Variants in ABR observed in about 807,000 individuals in gnomAD.
ABR encodes the protein active breakpoint cluster region-related protein.
ABR carries 35 observed loss-of-function variants against 107.2 expected under a neutral mutation model. The observed-to-expected ratio is 0.33, with a 90% CI of 0.25 to 0.43. The LOEUF (loss-of-function observed/expected upper bound fraction) is 0.43, where lower values mean the gene tolerates loss of function less well. ABR is among the 20% of genes least tolerant of loss of function. ABR has a pLI of 1.00. For missense variants in ABR, 815 were observed against 1,115.2 expected (o/e 0.73, Z 3.83); for synonymous variants, 498 against 462.0 (o/e 1.08, Z -1.00).
rs59448415 is a variant in ABR at position 1,103,135 on chromosome 17, T to C, written c.247-2400A>G. 7.9e-5 allele frequency among the ~76,000 whole-genome samples: 12 copies of C among 152,208 alleles called. No homozygotes were observed. In the East Asian group the frequency reaches 1.2e-3, roughly 15 times the overall value. ...GACCCCACGCTTCAGGCAAGGGCAA[T>C]AGTTACTTATTGGCGGCTTCACAAA... is the stretch of plus-strand genomic sequence containing the variant. On this transcript the variant is annotated intron_variant, in intron 2 of 22. Coordinates refer to ENST00000302538, the MANE Select transcript of ABR (RefSeq NM_021962.5).
chr17:1,069,703 G>T (rs903999667), intron 9 of ABR, among the ~76,000 whole-genome samples: 1 of 151,998 alleles, frequency 6.6e-6, no homozygotes, highest in African/African-American at 2.4e-5. Context: ...GTTGCTGAAG[G>T]CTCCATGGGT....
rs1267595538 is a variant in ABR at position 1,011,095 on chromosome 17, G to GTGTT, written c.2102-236_2102-233dup. 1 of 559,612 alleles carries GTGTT rather than the reference G, an allele frequency of 1.8e-6. No homozygotes were observed. The highest frequency in any genetic ancestry group is 3.1e-5 in the Admixed American group (1 of 32,172). 34.7% of individuals were successfully genotyped at this position (559,612 alleles called of 1,614,324 possible). A position where few individuals can be genotyped will look rare whatever the true frequency, so the allele number is the denominator to read the frequency against. On this transcript the variant is annotated intron_variant, in intron 19 of 22. Transcript: ENST00000302538. The surrounding 1 kb of genome is among the most constrained non-coding windows in gnomAD (Gnocchi z 4.8). Reference sequence around the variant, plus strand: ...ATCTGCTGTGGCTGCTTGGGAAAGGGTGTTTGGGGAGTGAAATCCATCACC... The same window carrying GTGTT: ...ATCTGCTGTGGCTGCTTGGGAAAGGGTGTTTGTTTGGGGAGTGAAATCCATCACC...
Position 1,011,660 on chromosome 17 carries a change from AC to A in ABR, c.2101+185del. 1.6e-6 allele frequency: 1 copy of A among 614,644 alleles called. No individual in the cohort carries two copies. The highest frequency in any genetic ancestry group is 2.5e-6 in the Non-Finnish European group (1 of 407,748). 38.1% of individuals were successfully genotyped at this position (614,644 alleles called of 1,614,324 possible). ...CCCTTGTGAGTTTCTGCAGTTGCTTACCTGCAGCAAGGGACAAGAGATTGGA... is the reference window on the plus strand; with the variant it reads ...CCCTTGTGAGTTTCTGCAGTTGCTTACTGCAGCAAGGGACAAGAGATTGGA... On this transcript the variant is annotated intron_variant, in intron 19 of 22. Coordinates refer to ENST00000302538, the MANE Select transcript of ABR (RefSeq NM_021962.5). The surrounding 1 kb of genome is among the most constrained non-coding windows in gnomAD (Gnocchi z 4.8).
chr17:1,007,411 C>A, intron 21 of ABR, 99 bp from the exon 22 acceptor site: 1 of 1,427,622 alleles, frequency 7.0e-7, no homozygotes, highest in Non-Finnish European at 9.6e-7. Context: ...TGAAGGACTC[C>A]TGGAAGGGGT....
intron 3 of ABR, among the ~76,000 whole-genome samples, chr17:1,098,849 A>T (rs2037670209): frequency 6.6e-6 from 1 of 152,190 alleles, no homozygotes; most frequent in Non-Finnish European, 1.5e-5. Context: ...GCAATGGTGC[A>T]AACTCGGCTC....
chr17:1,047,480 A>G (rs2257462), intron 16 of ABR, among the ~76,000 whole-genome samples: 76,900 of 151,816 alleles, frequency 0.51, 20,000 homozygotes, highest in East Asian at 0.67. Flanking sequence ...TGCCTCCCCC[A>G]CCAAAGGCAG....
chr17:1,087,298 G>C (rs2036657752), intron 4 of ABR, among the ~76,000 whole-genome samples: 1 of 152,178 alleles, frequency 6.6e-6, no homozygotes, highest in Non-Finnish European at 1.5e-5. Flanking sequence ...CAAGGACCCA[G>C]AGAGGCTGGG....
intron 3 of ABR, among the ~76,000 whole-genome samples, chr17:1,099,080 C>T (rs2037693978): frequency 6.7e-6 from 1 of 150,180 alleles, no homozygotes; most frequent in African/African-American, 2.4e-5. Flanking sequence ...AGCCACTGCA[C>T]CCAGCCTTTT....
upstream of ABR, among the ~76,000 whole-genome samples, chr17:1,188,368 G>A (rs545252584): frequency 6.7e-4 from 102 of 151,878 alleles, no homozygotes; most frequent in African/African-American, 2.4e-3. Flanking sequence ...GGCTAACACG[G>A]TGAAACTCCG....
chr17:1,112,736 C>T (rs1318837959), intron 2 of ABR, among the ~76,000 whole-genome samples: 2 of 152,006 alleles, frequency 1.3e-5, no homozygotes, highest in African/African-American at 2.4e-5. Context: ...CATAAGCACA[C>T]ACCACACCTA....
chr17:1,208,965 G>A (rs1221781248), intron 1 of ABR, among the ~76,000 whole-genome samples: 4 of 151,348 alleles, frequency 2.6e-5, no homozygotes, highest in Admixed American at 6.6e-5. Flanking sequence ...GGTCTCTCTT[G>A]TACATACATG....
intron 10 of ABR, among the ~76,000 whole-genome samples, chr17:1,060,140 GT>G (rs1243145868): frequency 6.6e-6 from 1 of 152,248 alleles, no homozygotes; most frequent in Non-Finnish European, 1.5e-5. Flanking sequence ...GCCAGGCGCG[GT>G]GGCTCACGCC....
intron 3 of ABR, among the ~76,000 whole-genome samples, chr17:1,097,276 C>T (rs1264173953): frequency 4.6e-5 from 7 of 152,146 alleles, no homozygotes; most frequent in Admixed American, 6.6e-5. Flanking sequence ...ACAGTGTCAA[C>T]GAACACTCAG....
At chr17:1,041,715 G>A (rs1445902839) in intron 16 of ABR, among the ~76,000 whole-genome samples, 1 of 152,200 alleles carries the variant, frequency 6.6e-6, no homozygotes, top group African/African-American at 2.4e-5. Context: ...CTGGGCGACA[G>A]AGAGAGACTC....
chr17:1,227,001 G>A (rs2043234468), intron 1 of ABR, among the ~76,000 whole-genome samples: 1 of 152,194 alleles, frequency 6.6e-6, no homozygotes, highest in African/African-American at 2.4e-5. Context: ...TTGCCCTGCA[G>A]AGGGGGCTGG....
intron 16 of ABR, among the ~76,000 whole-genome samples, chr17:1,042,924 G>A (rs1216708169): frequency 6.6e-6 from 1 of 152,210 alleles, no homozygotes; most frequent in African/African-American, 2.4e-5. Context: ...GCATATGGGT[G>A]AAGCTCAAGG....
chr17:1,067,050 C>G (rs1377909175), intron 10 of ABR, 27 bp downstream of exon 10: 2 of 1,609,692 alleles, frequency 1.2e-6, no homozygotes, highest in Non-Finnish European at 1.7e-6. Flanking sequence ...CAAAGGGCCC[C>G]AGGCTCAGAT....
intron 21 of ABR, among the ~76,000 whole-genome samples, 164 bp downstream of exon 21, chr17:1,009,515 G>A (rs997896048): frequency 5.9e-5 from 9 of 151,964 alleles, no homozygotes; most frequent in Non-Finnish European, 7.4e-5. Flanking sequence ...CAGACAGCCC[G>A]ATGGAGGCCA....
chr17:1,078,703 C>A lies in ABR; in HGVS notation c.700+627G>T. 1 of 1,161,716 alleles carries A rather than the reference C, an allele frequency of 8.6e-7. No homozygotes were observed. Among genetic ancestry groups the A allele is most frequent in the Non-Finnish European group, 1.2e-6 (1 of 829,694 alleles). 72.0% of individuals were successfully genotyped at this position (1,161,716 alleles called of 1,614,324 possible). ...GGGAATTCAGGTCCAGCCGCTCGCC[C>A]ACCCTCCTTCCCTGCGGCCCTCTAA... On this transcript the variant is annotated intron_variant, in intron 6 of 22. Transcript: ENST00000302538. This position sits in a 1 kb window ranked among gnomAD's most constrained non-coding sequence, Gnocchi z 7.5.
Sources: allele counts gnomAD v4.1 joint callset (sites outside exome capture counted in the v4.1 genomes callset), GRCh38; gene constraint gnomAD v4.1.1; non-coding constraint Gnocchi (gnomAD v3.1); transcripts MANE v1.5; gene names NCBI Gene and HGNC (gene_info 2026-07-23, HGNC 2026-07-21).